CNTNAP5: variants seen among roughly 807,000 people sequenced by gnomAD.
CNTNAP5 encodes the protein contactin-associated protein-like 5.
In CNTNAP5, 72 loss-of-function variants were observed where a neutral mutation model predicts 150.2. That is an observed-to-expected ratio of 0.48 (90% CI 0.40 to 0.58). The LOEUF (loss-of-function observed/expected upper bound fraction) is 0.58. CNTNAP5 is among the 20% of genes least tolerant of loss of function. The pLI, the probability that CNTNAP5 is intolerant of heterozygous loss-of-function variation, is 0.00. For missense variants in CNTNAP5, 1,636 were observed against 1,626.2 expected, an observed-to-expected ratio of 1.01 and a Z score of -0.10; for synonymous variants, 672 against 619.8, an observed-to-expected ratio of 1.08 and a Z score of -1.25.
intron 13 of CNTNAP5, among the ~76,000 whole-genome samples, chr2:124,679,388 T>G (rs946366901): frequency 1.3e-5 from 2 of 151,862 alleles, no homozygotes; most frequent in African/African-American, 4.8e-5. Flanking sequence ...ATCTCATCCC[T>G]TCTGATTCTG....
intron 2 of CNTNAP5, among the ~76,000 whole-genome samples, chr2:124,232,020 TG>T (rs771475717): frequency 1.2e-4 from 18 of 152,248 alleles, no homozygotes; most frequent in Admixed American, 2.0e-4. Flanking sequence ...TTTTCCTGAT[TG>T]TAAGTCACTT....
chr2:124,731,506 G>A (rs1680270092), intron 13 of CNTNAP5, among the ~76,000 whole-genome samples: 3 of 151,888 alleles, frequency 2.0e-5, no homozygotes, highest in Admixed American at 6.6e-5. Context: ...AGGAATATGG[G>A]GAGATCAGAG....
chr2:124,654,078 T>C (rs1271978047), intron 13 of CNTNAP5, among the ~76,000 whole-genome samples: 1 of 151,764 alleles, frequency 6.6e-6, no homozygotes, highest in African/African-American at 2.4e-5. Context: ...GGACCCTGAG[T>C]GAAGGGACAG....
intron 12 of CNTNAP5, among the ~76,000 whole-genome samples, chr2:124,610,322 AT>A (rs1677352574): frequency 1.3e-5 from 2 of 152,170 alleles, no homozygotes; most frequent in Admixed American, 1.3e-4. Flanking sequence ...GCCCCAAGGG[AT>A]GCATGACCCT....
chr2:124,410,646 A>G (rs1441649700), intron 3 of CNTNAP5, among the ~76,000 whole-genome samples: 1 of 150,354 alleles, frequency 6.7e-6, no homozygotes, highest in East Asian at 1.9e-4. Flanking sequence ...ACATAACGAA[A>G]TGAAGGCAGA....
At chr2:124,400,089 C>T (rs550249241) in intron 3 of CNTNAP5, among the ~76,000 whole-genome samples, 1 of 149,166 alleles carries the variant, frequency 6.7e-6, no homozygotes, top group Admixed American at 6.8e-5. Flanking sequence ...TCAAGATGCA[C>T]CATGAAAACA....
chr2:124,188,736 A>T (rs1685392032), intron 1 of CNTNAP5, among the ~76,000 whole-genome samples: 1 of 151,056 alleles, frequency 6.6e-6, no homozygotes, highest in African/African-American at 2.4e-5. Context: ...AAAAAAAAAA[A>T]AAGACAGGAA....
intron 3 of CNTNAP5, among the ~76,000 whole-genome samples, chr2:124,319,011 C>T (rs1211615170): frequency 6.6e-6 from 1 of 152,172 alleles, no homozygotes; most frequent in African/African-American, 2.4e-5. Context: ...AGTTTTTAGC[C>T]TTTTCCACTG....
At chr2:124,035,451 C>T (rs907778156) in intron 1 of CNTNAP5, among the ~76,000 whole-genome samples, 2 of 151,980 alleles carry the variant, frequency 1.3e-5, no homozygotes, top group Non-Finnish European at 2.9e-5. Context: ...CCTTCCCTCA[C>T]TCTTCCTGTT....
intron 19 of CNTNAP5, among the ~76,000 whole-genome samples, chr2:124,863,158 A>C (rs752564650): frequency 6.6e-6 from 1 of 152,232 alleles, no homozygotes; most frequent in African/African-American, 2.4e-5. Flanking sequence ...AAGAGAGTTC[A>C]ACAGCCTTAA....
intron 11 of CNTNAP5, among the ~76,000 whole-genome samples, chr2:124,599,593 G>A (rs534887894): frequency 1.3e-5 from 2 of 152,262 alleles, no homozygotes; most frequent in African/African-American, 2.4e-5. Context: ...TGTGGAAGAT[G>A]GGAAGATATC....
chr2:124,499,840 C>T (rs1694235938), intron 7 of CNTNAP5, among the ~76,000 whole-genome samples: 1 of 152,016 alleles, frequency 6.6e-6, no homozygotes, highest in Admixed American at 6.6e-5. Context: ...ATGTGGAATA[C>T]ATATATGAAA....
intron 8 of CNTNAP5, among the ~76,000 whole-genome samples, chr2:124,514,815 G>GA (rs895444477): frequency 5.9e-5 from 9 of 152,210 alleles, no homozygotes; most frequent in African/African-American, 2.2e-4. Flanking sequence ...AGAGGTGTAA[G>GA]ACTATGGAAG....
At chr2:124,456,169 A>G (rs942325891) in intron 6 of CNTNAP5, among the ~76,000 whole-genome samples, 1 of 152,204 alleles carries the variant, frequency 6.6e-6, no homozygotes, top group African/African-American at 2.4e-5. Context: ...AGACAACCCT[A>G]AAGACTCATT....
intron 19 of CNTNAP5, among the ~76,000 whole-genome samples, chr2:124,857,679 A>C (rs556992057): frequency 6.6e-6 from 1 of 152,192 alleles, no homozygotes; most frequent in South Asian, 2.1e-4. Flanking sequence ...AAAAAGAAAA[A>C]AAAATGAATA....
intron 3 of CNTNAP5, among the ~76,000 whole-genome samples, chr2:124,397,235 C>T (rs1192884645): frequency 6.6e-6 from 1 of 152,156 alleles, no homozygotes; most frequent in East Asian, 1.9e-4. Context: ...AAAGTTCTAG[C>T]TGCTATAACA....
rs1160415417 is a variant in CNTNAP5 at position 124,361,022 on chromosome 2, T to C, written c.382-56421T>C. Among the ~76,000 whole-genome samples, 12 of 127,084 alleles carry C rather than the reference T, an allele frequency of 9.4e-5. 1 individual carries two copies. In the East Asian group the frequency reaches 2.7e-3, roughly 29 times the overall value. The allele number at this position is 127,084 out of a possible 152,430, so 83.4% of individuals were successfully genotyped here. ...TTTGCTCATTTCTTTTTATTCTTTTTTCTCTAAACTTCCCTTCTCGCTTCA... is the reference window on the plus strand; with the variant it reads ...TTTGCTCATTTCTTTTTATTCTTTTCTCTCTAAACTTCCCTTCTCGCTTCA... On this transcript the variant is annotated intron_variant, in intron 3 of 23. Transcript: ENST00000682447.
At chr2:124,467,649 C>T (rs1693409010) in intron 6 of CNTNAP5, among the ~76,000 whole-genome samples, 1 of 152,050 alleles carries the variant, frequency 6.6e-6, no homozygotes, top group Non-Finnish European at 1.5e-5. Flanking sequence ...AGAAAAACAT[C>T]ATTATATGAA....
intron 3 of CNTNAP5, among the ~76,000 whole-genome samples, chr2:124,248,586 G>A (rs1687087330): frequency 6.6e-6 from 1 of 152,200 alleles, no homozygotes; most frequent in Admixed American, 6.5e-5. Context: ...CCAGCCCTCT[G>A]GCTCCACATT....
Sources: gnomAD v4.1 joint callset for allele counts (sites outside exome capture counted in the v4.1 genomes callset) on GRCh38, gnomAD v4.1.1 for gene constraint, MANE v1.5 for transcripts, NCBI Gene and HGNC (gene_info 2026-07-23, HGNC 2026-07-21) for gene names.